Variants in CYSTM1 observed in about 807,000 individuals in gnomAD.
CYSTM1 encodes the protein cysteine rich transmembrane module containing 1, also known as cysteine-rich transmembrane module-containing protein 1.
Under a neutral mutation model 13.1 loss-of-function variants are expected in CYSTM1, and 4 were observed. The ratio of observed to expected loss-of-function variants is 0.31; its 90% CI spans 0.15 to 0.70. The LOEUF is 0.70. CYSTM1 is among the 30% of genes least tolerant of loss of function. CYSTM1 has a pLI of 0.72. For missense variants in CYSTM1, 96 were observed against 121.6 expected (o/e 0.79, Z 0.99); for synonymous variants, 36 against 42.7 (o/e 0.84, Z 0.62).
intron 2 of CYSTM1, among the ~76,000 whole-genome samples, chr5:140,204,351 C>T (rs1413635447): frequency 6.6e-6 from 1 of 152,076 alleles, no homozygotes; most frequent in Non-Finnish European, 1.5e-5. Context: ...CCAGCTTGTG[C>T]GACAGAGCAA....
At chr5:140,210,899 C>T (rs1034800927) in intron 2 of CYSTM1, among the ~76,000 whole-genome samples, 3 of 152,120 alleles carry the variant, frequency 2.0e-5, no homozygotes, top group African/African-American at 4.8e-5. Context: ...CTGAAAAATA[C>T]ATGACTTTTT....
intron 2 of CYSTM1, among the ~76,000 whole-genome samples, chr5:140,203,726 G>A (rs1017181829): frequency 1.3e-5 from 2 of 152,182 alleles, no homozygotes; most frequent in Non-Finnish European, 2.9e-5. Flanking sequence ...AGAAAGTCAT[G>A]GAAGAAGGGG....
At chr5:140,191,648 A>G (rs975302193) in intron 1 of CYSTM1, among the ~76,000 whole-genome samples, 1 of 152,226 alleles carries the variant, frequency 6.6e-6, no homozygotes, top group Admixed American at 6.5e-5. Flanking sequence ...AAAGAAATAC[A>G]GGTCCAGACT....
At chr5:140,217,059 A>G (rs189169321) in intron 2 of CYSTM1, among the ~76,000 whole-genome samples, 41 of 152,146 alleles carry the variant, frequency 2.7e-4, no homozygotes, top group Non-Finnish European at 5.4e-4. Flanking sequence ...CATTTTCCTT[A>G]GGGAAAAAAA....
At chr5:140,215,148 G>A (rs551464651) in intron 2 of CYSTM1, among the ~76,000 whole-genome samples, 1 of 152,300 alleles carries the variant, frequency 6.6e-6, no homozygotes, top group East Asian at 1.9e-4. Flanking sequence ...GATTCTCATA[G>A]ATTTTCATGG....
chr5:140,222,354 C>T (rs867734441), intron 2 of CYSTM1, among the ~76,000 whole-genome samples: 2 of 152,310 alleles, frequency 1.3e-5, no homozygotes, highest in South Asian at 2.1e-4. Context: ...GGCACAGGAC[C>T]GGTTTTTCCC....
At chr5:140,182,583 G>C (rs1763971770) in intron 1 of CYSTM1, among the ~76,000 whole-genome samples, 2 of 150,900 alleles carry the variant, frequency 1.3e-5, no homozygotes, top group African/African-American at 2.4e-5. Context: ...AGAAAACTCA[G>C]ATTCTCCTGG....
chr5:140,238,121 G>A (rs925419268), intron 2 of CYSTM1, among the ~76,000 whole-genome samples: 2 of 152,164 alleles, frequency 1.3e-5, no homozygotes, highest in Non-Finnish European at 2.9e-5. Flanking sequence ...GGTATCTTGG[G>A]ACTAAGCTTC....
rs1174797157 is a variant in CYSTM1, at chr5:140,219,978, T to C, written c.188-23327T>C. On this transcript the variant is annotated intron_variant, in intron 2 of 2. Coordinates refer to ENST00000261811, the MANE Select transcript of CYSTM1 (RefSeq NM_032412.4). This position sits in a 1 kb window ranked among gnomAD's most constrained non-coding sequence, Gnocchi z 4.1. Reference sequence around the variant, plus strand: ...AAGTAACTTCTCTCTTTTTTTTTTCTGTAACCCAGTGCCTGAAAACCAGGA... The same window carrying C: ...AAGTAACTTCTCTCTTTTTTTTTTCCGTAACCCAGTGCCTGAAAACCAGGA... Among the ~76,000 whole-genome samples the C allele has an allele frequency of 6.6e-6, 1 of 152,188 alleles. No homozygotes were observed. Among genetic ancestry groups the C allele is most frequent in the Non-Finnish European group, 1.5e-5 (1 of 68,030 alleles).
At chr5:140,222,574 G>A (rs757088361) in intron 2 of CYSTM1, among the ~76,000 whole-genome samples, 9 of 152,244 alleles carry the variant, frequency 5.9e-5, no homozygotes, top group Non-Finnish European at 1.3e-4. Context: ...TAAAAATACT[G>A]AGATCAGTTC....
At chr5:140,216,024 C>A (rs1160432449) in intron 2 of CYSTM1, among the ~76,000 whole-genome samples, 1 of 152,018 alleles carries the variant, frequency 6.6e-6, no homozygotes. Flanking sequence ...TGCCTGTAGT[C>A]CCAGATATTT....
At chr5:140,236,651 C>T (rs1169749752) in intron 2 of CYSTM1, among the ~76,000 whole-genome samples, 2 of 152,222 alleles carry the variant, frequency 1.3e-5, no homozygotes, top group East Asian at 3.9e-4. Context: ...AGCTGTACAA[C>T]TCTGTCTTCC....
chr5:140,228,965 C>T, intron 2 of CYSTM1: 2 of 394,940 alleles, frequency 5.1e-6, no homozygotes, highest in Non-Finnish European at 8.9e-6. Flanking sequence ...ATTTTAGCAC[C>T]TTTCATAGGT....
intron 1 of CYSTM1, among the ~76,000 whole-genome samples, chr5:140,186,863 A>G (rs1581058610): frequency 6.6e-6 from 1 of 152,172 alleles, no homozygotes; most frequent in Non-Finnish European, 1.5e-5. Context: ...GTGGTGGGTT[A>G]CACTGTAATC....
At chr5:140,216,556 T>C (rs1045230255) in intron 2 of CYSTM1, among the ~76,000 whole-genome samples, 1 of 152,164 alleles carries the variant, frequency 6.6e-6, no homozygotes, top group Non-Finnish European at 1.5e-5. Flanking sequence ...TGTTCCAGGC[T>C]TACCCTGGCT....
chr5:140,186,049 C>T (rs28477538), intron 1 of CYSTM1, among the ~76,000 whole-genome samples: 35,093 of 152,026 alleles, frequency 0.23, 4,077 homozygotes, highest in African/African-American at 0.25. Flanking sequence ...CCAGCATATT[C>T]CATCTGATGC....
intron 2 of CYSTM1, among the ~76,000 whole-genome samples, chr5:140,212,320 T>G (rs1403496521): frequency 6.6e-6 from 1 of 152,238 alleles, no homozygotes; most frequent in Non-Finnish European, 1.5e-5. Context: ...TAGTGATGTC[T>G]TGGCCATCAT....
intron 2 of CYSTM1, chr5:140,202,955 T>C (rs1764250332): frequency 6.6e-6 from 1 of 151,360 alleles, no homozygotes; most frequent in African/African-American, 2.4e-5. Flanking sequence ...TGGCTCATTA[T>C]AACAAGAAAT....
intron 2 of CYSTM1, among the ~76,000 whole-genome samples, chr5:140,212,279 G>A (rs951859359): frequency 6.6e-6 from 1 of 152,154 alleles, no homozygotes; most frequent in Admixed American, 6.5e-5. Context: ...GATCCCATAA[G>A]ATTATAATGG....
Sources: allele counts gnomAD v4.1 joint callset (sites outside exome capture counted in the v4.1 genomes callset), GRCh38; gene constraint gnomAD v4.1.1; non-coding constraint Gnocchi (gnomAD v3.1); transcripts MANE v1.5; gene names NCBI Gene and HGNC (gene_info 2026-07-23, HGNC 2026-07-21).